HDGFL2: variants seen among roughly 807,000 people sequenced by gnomAD.
The protein encoded by HDGFL2 is HDGF like 2.
In HDGFL2, 36 loss-of-function variants were observed where a neutral mutation model predicts 77.1. The observed-to-expected ratio is 0.47, with a 90% CI of 0.36 to 0.62. The LOEUF (loss-of-function observed/expected upper bound fraction) is 0.62, where lower values mean the gene tolerates loss of function less well. Among genes scored for constraint, HDGFL2 ranks in the 20% least tolerant of loss-of-function variants. The pLI is 0.00. For synonymous variants in HDGFL2, 463 were observed against 413.1 expected (o/e 1.12, Z -1.46); for missense variants, 976 against 973.4 (o/e 1.00, Z -0.04).
rs1368233052 is a variant in HDGFL2 at position 4,493,880 on chromosome 19, G to A, written c.838+18G>A. The A allele has an allele frequency of 3.3e-6, 5 of 1,505,134 alleles. No homozygotes were observed. Among genetic ancestry groups the A allele is most frequent in the Non-Finnish European group, 4.5e-6 (5 of 1,119,892 alleles). The allele number at this position is 1,505,134 out of a possible 1,614,324, so 93.2% of individuals were successfully genotyped here. A position where few individuals can be genotyped will look rare whatever the true frequency, so the allele number is the denominator to read the frequency against. On this transcript the variant is annotated intron_variant, in intron 7 of 15. Coordinates refer to ENST00000616600, the MANE Select transcript of HDGFL2 (RefSeq NM_001001520.3). ...GAAGCCAGGTAGGGCCCTCGTGCTC[G>A]CACATCTCTTGGCCTGGCCCCTGCC...
intron 1 of HDGFL2, among the ~76,000 whole-genome samples, chr19:4,473,014 G>A (rs1390253482): frequency 6.6e-6 from 1 of 151,052 alleles, no homozygotes; most frequent in Non-Finnish European, 1.5e-5. Flanking sequence ...TCGCTCCCTG[G>A]GAGTCTGGGG....
rs532045973 is a variant in HDGFL2, at chr19:4,474,605, G to A, written c.73-670G>A. 2.0e-5 allele frequency among the ~76,000 whole-genome samples: 3 copies of A among 152,162 alleles called. No homozygotes were observed. In the East Asian group the frequency reaches 5.8e-4, roughly 29 times the overall value. On this transcript the variant is annotated intron_variant, in intron 1 of 15. Coordinates refer to ENST00000616600, the MANE Select transcript of HDGFL2 (RefSeq NM_001001520.3). Reference sequence around the variant, plus strand: ...TGCTGTGCTCGCGCTGACTTTCTTGGGGGAGACCAGAGCAATGCAACTTTA... The same window carrying A: ...TGCTGTGCTCGCGCTGACTTTCTTGAGGGAGACCAGAGCAATGCAACTTTA...
intron 6 of HDGFL2, among the ~76,000 whole-genome samples, chr19:4,493,014 CGT>C (rs1055358298): frequency 6.5e-5 from 4 of 61,660 alleles, no homozygotes; most frequent in East Asian, 5.5e-4. Context: ...GTGTGTGGTG[CGT>C]GTGTGTTATC....
chr19:4,487,362 TC>T (rs1274176426), intron 3 of HDGFL2, among the ~76,000 whole-genome samples: 1 of 151,966 alleles, frequency 6.6e-6, no homozygotes, highest in Admixed American at 6.6e-5. Flanking sequence ...GCTCAAGCGA[TC>T]CTCCTGCCTC....
In HDGFL2 at chr19:4,496,287, T is replaced by A; in HGVS notation, c.1225-15T>A. 2 of 1,612,704 alleles carry A rather than the reference T, an allele frequency of 1.2e-6. No homozygotes were observed. Among genetic ancestry groups the A allele is most frequent in the Non-Finnish European group, 1.7e-6 (2 of 1,178,796 alleles). On this transcript the variant is annotated splice_polypyrimidine_tract_variant and intron_variant, in intron 9 of 15. Coordinates refer to ENST00000616600, the MANE Select transcript of HDGFL2 (RefSeq NM_001001520.3). Reference sequence around the variant, plus strand: ...TCTTCCCACTGCTCCAGCGCGCCCTTCCTGACTGCTATAGGCCAAGAAATC... The same window carrying A: ...TCTTCCCACTGCTCCAGCGCGCCCTACCTGACTGCTATAGGCCAAGAAATC...
chr19:4,496,361 C>G lies in HDGFL2; in HGVS notation c.1284C>G (p.Gly428=). ...GCACAGAGCCCGCCAGGAAACCTGG[C>G]CAGAAGGAGAAGAGAGTGCGGCCCG... ...SSSTEPARKP[G]QKEKRVRPEE... is the part of the protein sequence containing the mutation. Residue 428 remains glycine (G), a synonymous_variant, in exon 10 of 16, where the codon GGC becomes GGG. Transcript: ENST00000616600. The G allele has an allele frequency of 1.2e-6, 2 of 1,614,014 alleles. No homozygotes were observed. Among genetic ancestry groups the G allele is most frequent in the Non-Finnish European group, 1.7e-6 (2 of 1,179,932 alleles).
intron 1 of HDGFL2, 59 bp from the exon 2 acceptor site, chr19:4,475,216 T>G: frequency 1.3e-6 from 2 of 1,493,654 alleles, no homozygotes; most frequent in South Asian, 2.3e-5. Context: ...TTGGCTGATT[T>G]CTCGGTGATT....
At chr19:4,499,988 G>A (rs1975815118) in intron 14 of HDGFL2, among the ~76,000 whole-genome samples, 1 of 152,166 alleles carries the variant, frequency 6.6e-6, no homozygotes. Flanking sequence ...CGCCTCCACC[G>A]TCTCCCACCC....
rs1319344221 is a variant in HDGFL2 at position 4,491,638 on chromosome 19, G to C, written c.562G>C (p.Glu188Gln). Reference protein sequence around the residue: ...DQASVSPSEEENSESSSESEK... With the variant: ...DQASVSPSEEQNSESSSESEK... Reference sequence around the variant, plus strand: ...GGCCAGCGTGTCCCCATCCGAAGAGGAGAACTCGGAAAGCTCATCTGAGTC... The same window carrying C: ...GGCCAGCGTGTCCCCATCCGAAGAGCAGAACTCGGAAAGCTCATCTGAGTC... Residue 188 changes from glutamate (E) to glutamine (Q), a missense_variant, in exon 5 of 16, where the codon GAG becomes CAG. Physicochemically the swap from Glu to Gln is conservative, Grantham distance 29. This residue lies in a region of HDGFL2 where 567 missense variants were observed against 534.7 expected (regional missense o/e 1.06). Transcript: ENST00000616600. 1.2e-6 allele frequency: 2 copies of C among 1,613,646 alleles called. No individual in the cohort carries two copies. The highest frequency in any genetic ancestry group is 3.3e-5 in the Admixed American group (2 of 60,018).
intron 13 of HDGFL2, 67 bp downstream of exon 13, chr19:4,498,982 G>C: frequency 8.8e-7 from 1 of 1,134,712 alleles, no homozygotes; most frequent in Non-Finnish European, 1.3e-6. Flanking sequence ...CTGCCCGGGA[G>C]CCCAGGCCCC....
At chr19:4,488,564 C>A in intron 3 of HDGFL2, 112 bp from the exon 4 acceptor site, 1 of 955,806 alleles carries the variant, frequency 1.0e-6, no homozygotes, top group South Asian at 1.6e-5. Flanking sequence ...GGAGACAACA[C>A]GCCTGACATT....
At chr19:4,479,641 G>A (rs1465944196) in intron 3 of HDGFL2, among the ~76,000 whole-genome samples, 1 of 149,778 alleles carries the variant, frequency 6.7e-6, no homozygotes, top group Admixed American at 6.7e-5. Flanking sequence ...AATTAGCCAC[G>A]CTTACACCTG....
rs199934099 is a variant in HDGFL2 at position 4,485,599 on chromosome 19, A to G, written c.289-3077A>G. 1.3e-4 allele frequency among the ~76,000 whole-genome samples: 19 copies of G among 151,990 alleles called. No individual in the cohort carries two copies. In the East Asian group the frequency reaches 3.7e-3, roughly 29 times the overall value. ...TAAAAAAATACAAAAAAAATTAGCCAGGCGTGGTGGCGGGTGCCTGTAGTC... is the reference window on the plus strand; with the variant it reads ...TAAAAAAATACAAAAAAAATTAGCCGGGCGTGGTGGCGGGTGCCTGTAGTC... On this transcript the variant is annotated intron_variant, in intron 3 of 15. Transcript: ENST00000616600.
At chr19:4,501,358 A>T in intron 15 of HDGFL2, 41 bp downstream of exon 15, 1 of 1,549,440 alleles carries the variant, frequency 6.5e-7, no homozygotes, top group South Asian at 1.2e-5. Flanking sequence ...CCTGAGCGGC[A>T]GCGGTGTGAC....
At chr19:4,475,961 C>T (rs1975062438) in intron 3 of HDGFL2, among the ~76,000 whole-genome samples, 1 of 151,044 alleles carries the variant, frequency 6.6e-6, no homozygotes, top group Admixed American at 6.6e-5. Flanking sequence ...GCGATCTCGG[C>T]TCACTGCAAG....
At chr19:4,487,406 A>T (rs1228838033) in intron 3 of HDGFL2, among the ~76,000 whole-genome samples, 1 of 151,986 alleles carries the variant, frequency 6.6e-6, no homozygotes, top group African/African-American at 2.4e-5. Context: ...GCAGGCCCAC[A>T]CCGCCACACC....
At chr19:4,476,046 C>T (rs1184369484) in intron 3 of HDGFL2, among the ~76,000 whole-genome samples, 3 of 151,982 alleles carry the variant, frequency 2.0e-5, no homozygotes, top group Non-Finnish European at 2.9e-5. Flanking sequence ...CCCGCCACCA[C>T]ACCCGGCTAA....
In HDGFL2 at chr19:4,500,932, G is replaced by C. The variant is rs547003287; in HGVS notation, c.1790-259G>C. On this transcript the variant is annotated intron_variant, in intron 14 of 15. Coordinates refer to ENST00000616600, the MANE Select transcript of HDGFL2 (RefSeq NM_001001520.3). Reference sequence around the variant, plus strand: ...CCTTTGTCTTTCCCAGGCTGCTGTGGGCTTTTCTCAGGGCTGCCCACGTTC... The same window carrying C: ...CCTTTGTCTTTCCCAGGCTGCTGTGCGCTTTTCTCAGGGCTGCCCACGTTC... Among the ~76,000 whole-genome samples, 4 of 152,320 alleles carry C rather than the reference G, an allele frequency of 2.6e-5. No homozygotes were observed. In the East Asian group the frequency reaches 7.7e-4, roughly 29 times the overall value.
In HDGFL2 at chr19:4,494,002, C is replaced by T; in HGVS notation, c.859C>T (p.Pro287Ser). ...TGTAGCGGAGAAGCCTCTCCCGAAG[C>T]CGCGAGGGCGGAAACCGAAGCCTGA... ...RKPAEKPLPK[P>S]RGRKPKPERP... is the part of the protein sequence containing the mutation. The change falls in exon 8 of 16, where the codon CCG becomes TCG. Residue 287 changes from proline (P) to serine (S), a missense_variant. By Grantham distance (74) the Pro-to-Ser change is moderately conservative. Coordinates refer to ENST00000616600, the MANE Select transcript of HDGFL2 (RefSeq NM_001001520.3). The T allele has an allele frequency of 1.2e-6, 2 of 1,611,408 alleles. No individual in the cohort carries two copies. The highest frequency in any genetic ancestry group is 1.7e-6 in the Non-Finnish European group (2 of 1,179,186).
Sources: allele counts gnomAD v4.1 joint callset (sites outside exome capture counted in the v4.1 genomes callset), GRCh38; gene constraint gnomAD v4.1.1; regional missense constraint gnomAD v4.1.1; transcripts MANE v1.5; gene names NCBI Gene and HGNC (gene_info 2026-07-23, HGNC 2026-07-21).